GRHL3: variants seen among roughly 807,000 people sequenced by gnomAD.
GRHL3 encodes the protein grainyhead like transcription factor 3, also known as grainyhead-like protein 3 homolog.
Under a neutral mutation model 70.3 loss-of-function variants are expected in GRHL3, and 20 were observed. The ratio of observed to expected loss-of-function variants is 0.28; its 90% CI spans 0.20 to 0.41. GRHL3 has a LOEUF of 0.41. Ranked by LOEUF, GRHL3 falls within the 10% of genes least tolerant of loss-of-function variation. GRHL3 has a pLI of 1.00. For synonymous variants in GRHL3, 299 were observed against 299.9 expected, an observed-to-expected ratio of 1.00 and a Z score of 0.03; for missense variants, 637 against 762.3, an observed-to-expected ratio of 0.84 and a Z score of 1.94.
In GRHL3 at chr1:24,354,560, C is replaced by T; in HGVS notation, c.*72C>T. 1 of 922,292 alleles carries T rather than the reference C, an allele frequency of 1.1e-6. No homozygotes were observed. The highest frequency in any genetic ancestry group is 1.8e-5 in the Admixed American group (1 of 55,336). The allele number at this position is 922,292 out of a possible 1,614,324, so 57.1% of individuals were successfully genotyped here. ...GGACGTGGCCCCACGCCACACACAA[C>T]CTCTCCACATGCCTCAGCGCTGTTA... On this transcript the variant is annotated 3_prime_UTR_variant, in exon 16 of 16. Transcript: ENST00000361548.
rs773957300 is a variant in GRHL3, at chr1:24,342,255, C to A, written c.1188C>A (p.Ile396=). 2.5e-6 allele frequency: 4 copies of A among 1,608,814 alleles called. No individual in the cohort carries two copies. Among genetic ancestry groups the A allele is most frequent in the Non-Finnish European group, 3.4e-6 (4 of 1,177,228 alleles). The change falls in exon 9 of 16, where the codon ATC becomes ATA. Residue 396 remains isoleucine (I), a synonymous_variant. Coordinates refer to ENST00000361548, the MANE Select transcript of GRHL3 (RefSeq NM_198173.3). This position sits in a 1 kb window ranked among gnomAD's most constrained non-coding sequence, Gnocchi z 4.8. ...ERLVHRAVCQ[I]KIFCDKGAER... is the part of the protein sequence containing the mutation. ...TGGTACACCGTGCTGTCTGCCAGATCAAGATCTTCTGTGACAAGGTGGCTG... is the reference window on the plus strand; with the variant it reads ...TGGTACACCGTGCTGTCTGCCAGATAAAGATCTTCTGTGACAAGGTGGCTG...
chr1:24,339,575 G>T, intron 7 of GRHL3, 93 bp from the exon 8 acceptor site: 1 of 798,466 alleles, frequency 1.3e-6, no homozygotes, highest in African/African-American at 1.7e-5. Flanking sequence ...AACCACGCCC[G>T]GCCGAGTGAG....
chr1:24,345,336 A>G (rs1640236698), intron 12 of GRHL3, among the ~76,000 whole-genome samples: 1 of 123,970 alleles, frequency 8.1e-6, no homozygotes, highest in Non-Finnish European at 1.7e-5. Flanking sequence ...CCTCTGTACC[A>G]TGCCCACTGT....
Position 24,338,743 on chromosome 1 carries a change from C to T in GRHL3, c.952+640C>T, listed in dbSNP as rs149353645. On this transcript the variant is annotated intron_variant, in intron 7 of 15. Transcript: ENST00000361548. Reference sequence around the variant, plus strand: ...ACACGGGACTGTTTAATGACTTGTCCGAGAGGCTGGATAGCATAGCAGTGA... The same window carrying T: ...ACACGGGACTGTTTAATGACTTGTCTGAGAGGCTGGATAGCATAGCAGTGA... Among the ~76,000 whole-genome samples, 153 of 152,306 alleles carry T rather than the reference C, an allele frequency of 1.0e-3. 1 individual carries two copies. Among genetic ancestry groups the T allele is most frequent in the African/African-American group, 3.4e-3 (142 of 41,568 alleles).
chr1:24,360,861 C>T (rs1411052173), intron 15 of GRHL3: 1 of 1,611,990 alleles, frequency 6.2e-7, no homozygotes, highest in Non-Finnish European at 8.5e-7. Flanking sequence ...CTGGGCCAGG[C>T]AGGCCTGGCT....
At chr1:24,330,232 TC>T (rs1199795394) in intron 1 of GRHL3, among the ~76,000 whole-genome samples, 1 of 152,240 alleles carries the variant, frequency 6.6e-6, no homozygotes, top group African/African-American at 2.4e-5. Flanking sequence ...ACATTAAAAA[TC>T]TACTCTTCTA....
At chr1:24,328,341 T>G (rs1421860818) in intron 1 of GRHL3, among the ~76,000 whole-genome samples, 1 of 152,230 alleles carries the variant, frequency 6.6e-6, no homozygotes, top group Non-Finnish European at 1.5e-5. Flanking sequence ...CTCTCAGGGC[T>G]GTTGTGTGGA....
In GRHL3 at chr1:24,319,895, A is replaced by G. The variant is rs562006341; in HGVS notation, c.17+327A>G. The G allele has an allele frequency of 1.7e-5, 8 of 458,338 alleles. No homozygotes were observed. The East Asian group carries it at 3.0e-4, about 17-fold the overall frequency. 28.4% of individuals were successfully genotyped at this position (458,338 alleles called of 1,614,324 possible). A position where few individuals can be genotyped will look rare whatever the true frequency, so the allele number is the denominator to read the frequency against. On this transcript the variant is annotated intron_variant, in intron 1 of 15. Transcript: ENST00000361548. ...GGGCCTTGGAAATCAGACGACCCCA[A>G]TCCCATCGAGGCTTTCTATCTTCTT...
rs758789183 is a variant in GRHL3 at position 24,319,445 on chromosome 1, A to C, written c.-107A>C. ...AAAATCTCGACACCCAAACCTCAAC[A>C]TAAATCAAACACTTTCCCGGGCAGA... On this transcript the variant is annotated 5_prime_UTR_variant, in exon 1 of 16. Transcript: ENST00000361548. 3.2e-6 allele frequency: 4 copies of C among 1,248,036 alleles called. No individual in the cohort carries two copies. Among genetic ancestry groups the C allele is most frequent in the Non-Finnish European group, 3.5e-6 (3 of 849,324 alleles). 77.3% of individuals were successfully genotyped at this position (1,248,036 alleles called of 1,614,324 possible). A position where few individuals can be genotyped will look rare whatever the true frequency, so the allele number is the denominator to read the frequency against.
chr1:24,350,716 G>A (rs1221326560), intron 15 of GRHL3, among the ~76,000 whole-genome samples: 2 of 152,220 alleles, frequency 1.3e-5, no homozygotes, highest in Non-Finnish European at 2.9e-5. Flanking sequence ...GTTGTGATTG[G>A]GAGTCATTTT....
At position 24,333,883 on chromosome 1, in the gene GRHL3, A is replaced by C. The variant is rs1244798834; in HGVS notation, c.205-762A>C. Among the ~76,000 whole-genome samples, 4 of 152,352 alleles carry C rather than the reference A, an allele frequency of 2.6e-5. No individual in the cohort carries two copies. The East Asian group carries it at 7.7e-4, about 29-fold the overall frequency. On this transcript the variant is annotated intron_variant, in intron 2 of 15. Coordinates refer to ENST00000361548, the MANE Select transcript of GRHL3 (RefSeq NM_198173.3). Reference sequence around the variant, plus strand: ...ATGCCTAGCCCATATGAAGTACTCTATTAAAAAAGGGAGTATTTTTTATTA... The same window carrying C: ...ATGCCTAGCCCATATGAAGTACTCTCTTAAAAAAGGGAGTATTTTTTATTA...
At chr1:24,356,734 C>T (rs932215877), downstream of GRHL3, among the ~76,000 whole-genome samples, 2 of 152,234 alleles carry the variant, frequency 1.3e-5, no homozygotes, top group Non-Finnish European at 2.9e-5. Flanking sequence ...CACTACAATG[C>T]GAGGAAGGGG....
chr1:24,362,066 C>G (rs558921370), intron 15 of GRHL3, among the ~76,000 whole-genome samples: 2 of 152,314 alleles, frequency 1.3e-5, no homozygotes, highest in South Asian at 2.1e-4. Flanking sequence ...AGAGGAGGTT[C>G]TCCGCACTGA....
Position 24,355,205 on chromosome 1 carries a change from A to C in GRHL3, c.*717A>C, listed in dbSNP as rs984870671. 1.3e-5 allele frequency: 2 copies of C among 152,574 alleles called. No individual in the cohort carries two copies. The highest frequency in any genetic ancestry group is 4.8e-5 in the African/African-American group (2 of 41,416). 9.5% of individuals were successfully genotyped at this position (152,574 alleles called of 1,614,324 possible). ...TCATGGATATGTTTTTATCATTTCAAAAAATGTGTATTTCACATTTCTTGG... is the reference window on the plus strand; with the variant it reads ...TCATGGATATGTTTTTATCATTTCACAAAATGTGTATTTCACATTTCTTGG... On this transcript the variant is annotated 3_prime_UTR_variant, in exon 16 of 16. Transcript: ENST00000361548.
At chr1:24,363,310 A>G (rs963037103) in intron 15 of GRHL3, among the ~76,000 whole-genome samples, 3 of 152,194 alleles carry the variant, frequency 2.0e-5, no homozygotes, top group Non-Finnish European at 4.4e-5. Context: ...GCCTAGCACT[A>G]TGGATCTTTC....
intron 15 of GRHL3, among the ~76,000 whole-genome samples, chr1:24,352,409 A>G (rs1193944843): frequency 6.6e-6 from 1 of 152,232 alleles, no homozygotes; most frequent in Admixed American, 6.5e-5. Context: ...AATGTGACTC[A>G]GGACTGAAGA....
chr1:24,348,245 G>C (rs562583215), intron 14 of GRHL3, among the ~76,000 whole-genome samples: 7 of 152,342 alleles, frequency 4.6e-5, no homozygotes, highest in African/African-American at 1.7e-4. Flanking sequence ...CAGGCAGTTG[G>C]TCAGACATGC....
chr1:24,360,964 TACTG>T (rs763364337), intron 15 of GRHL3: 31 of 1,614,062 alleles, frequency 1.9e-5, no homozygotes, highest in Middle Eastern at 3.3e-4. Context: ...CACGATCTCA[TACTG>T]ACCAGGACCT....
At chr1:24,364,090 A>G in intron 15 of GRHL3, 1 of 1,430,168 alleles carries the variant, frequency 7.0e-7, no homozygotes, top group Non-Finnish European at 9.2e-7. Flanking sequence ...CAGTTCAGCA[A>G]CTCCATGCCT....
Sources: gnomAD v4.1 joint callset for allele counts (sites outside exome capture counted in the v4.1 genomes callset) on GRCh38, gnomAD v4.1.1 for gene constraint, Gnocchi (gnomAD v3.1) non-coding constraint, MANE v1.5 for transcripts, NCBI Gene and HGNC (gene_info 2026-07-23, HGNC 2026-07-21) for gene names.